GRIN3A: variants seen among roughly 807,000 people sequenced by gnomAD.
GRIN3A encodes glutamate ionotropic receptor NMDA type subunit 3A, also known as glutamate receptor ionotropic, NMDA 3A.
Under a neutral mutation model 92.4 loss-of-function variants are expected in GRIN3A, and 47 were observed. That is an observed-to-expected ratio of 0.51 (90% CI 0.40 to 0.65). GRIN3A has a LOEUF of 0.65. Among genes scored for constraint, GRIN3A ranks in the 30% least tolerant of loss-of-function variants. GRIN3A has a pLI of 0.00. For missense variants in GRIN3A, 1,324 were observed against 1,393.1 expected (o/e 0.95, Z 0.79); for synonymous variants, 527 against 540.6 (o/e 0.97, Z 0.35).
chr9:101,681,150 G>A (rs2118968994), intron 2 of GRIN3A, among the ~76,000 whole-genome samples: 1 of 152,260 alleles, frequency 6.6e-6, no homozygotes, highest in South Asian at 2.1e-4. Flanking sequence ...GGAACAGCAG[G>A]TAAATTCTCA....
rs139560863 is a variant in GRIN3A at position 101,670,952 on chromosome 9, C to A, written c.1460G>T (p.Gly487Val). 1,969 of 1,613,930 alleles carry A rather than the reference C, an allele frequency of 1.2e-3. 1 individual carries two copies. Among genetic ancestry groups the A allele is most frequent in the Non-Finnish European group, 1.5e-3 (1,799 of 1,179,912 alleles). ...MWTRLGSWQG[G>V]KIVMDYGIWP... is the part of the protein sequence containing the mutation. ...TATTCCATAGTCCATGACAATCTTT[C>A]CCCCCTGCCAGCTGCCCAAGCGGGT... is the stretch of plus-strand genomic sequence containing the variant. Residue 487 changes from glycine (G) to valine (V), a missense_variant, in exon 3 of 9, where the codon GGA (glycine) becomes GTA (valine). Gly to Val is a moderately radical substitution (Grantham distance 109). Coordinates refer to ENST00000361820, the MANE Select transcript of GRIN3A (RefSeq NM_133445.3).
chr9:101,737,716 G>A lies in GRIN3A; in HGVS notation c.264C>T (p.Ser88=), dbSNP rs1230130875. The change falls in exon 1 of 9, where the codon TCC becomes TCT. Residue 88 remains serine, a synonymous_variant. Transcript: ENST00000361820. ...AGCGTGCGCCCGGCGAGGGCGCCGG[G>A]GACCGCCTAGTCCCTGGCTCCGGCT... is the stretch of plus-strand genomic sequence containing the variant. ...RDEPEPGTRR[S]PAPSPGARWL... is the part of the protein sequence containing the mutation. The A allele has an allele frequency of 2.1e-5, 32 of 1,529,020 alleles. No homozygotes were observed. The East Asian group carries it at 4.9e-4, about 23-fold the overall frequency. The allele number at this position is 1,529,020 out of a possible 1,614,324, so 94.7% of individuals were successfully genotyped here.
chr9:101,725,949 A>T (rs568567897), intron 1 of GRIN3A, among the ~76,000 whole-genome samples: 3 of 151,954 alleles, frequency 2.0e-5, no homozygotes, highest in Non-Finnish European at 4.4e-5. Context: ...TCTCCATTGC[A>T]CTTGTCTCTG....
intron 6 of GRIN3A, among the ~76,000 whole-genome samples, chr9:101,608,060 T>C (rs1236729122): frequency 2.0e-5 from 3 of 152,246 alleles, no homozygotes; most frequent in African/African-American, 4.8e-5. Context: ...TGTTTAAATG[T>C]ACCCAGGTAA....
intron 5 of GRIN3A, among the ~76,000 whole-genome samples, chr9:101,620,729 A>T (rs1054504625): frequency 5.9e-5 from 9 of 152,134 alleles, no homozygotes; most frequent in African/African-American, 1.2e-4. Flanking sequence ...GGCATATAAA[A>T]CATTCCTGTA....
chr9:101,606,905 CA>C (rs1381164334), intron 6 of GRIN3A, among the ~76,000 whole-genome samples: 3 of 103,674 alleles, frequency 2.9e-5, no homozygotes, highest in Admixed American at 9.9e-5. Flanking sequence ...AAAAAAATTA[CA>C]TTTTTTTTTT....
chr9:101,687,219 A>C lies in GRIN3A; in HGVS notation c.700-19T>G, dbSNP rs768306782. 18 of 1,613,242 alleles carry C rather than the reference A, an allele frequency of 1.1e-5. No individual in the cohort carries two copies. The East Asian group carries it at 2.9e-4, about 26-fold the overall frequency. On this transcript the variant is annotated intron_variant, in intron 1 of 8. Transcript: ENST00000361820. ...GGGGATTCTGTATTTAAAGATATGA[A>C]AAAGAAGAATTAGAAAGCATTGGCC...
chr9:101,648,142 T>C (rs563395029), intron 3 of GRIN3A, among the ~76,000 whole-genome samples: 8 of 152,138 alleles, frequency 5.3e-5, no homozygotes, highest in Non-Finnish European at 8.8e-5. Flanking sequence ...CTGAATCCCA[T>C]AGCTTTTGAT....
intron 2 of GRIN3A, among the ~76,000 whole-genome samples, chr9:101,679,653 T>C (rs1408551347): frequency 6.6e-6 from 1 of 152,088 alleles, no homozygotes; most frequent in Non-Finnish European, 1.5e-5. Flanking sequence ...CCCAAACATG[T>C]CTTTTCTAGA....
chr9:101,657,401 T>G (rs937053782), intron 3 of GRIN3A, among the ~76,000 whole-genome samples: 1 of 152,002 alleles, frequency 6.6e-6, no homozygotes, highest in South Asian at 2.1e-4. Flanking sequence ...GTACTTTGCT[T>G]TATTTAACCC....
chr9:101,616,888 TAAA>T lies in GRIN3A; in HGVS notation c.2615-3364_2615-3362del, dbSNP rs75080539. ...CACATGTACCCTAAAACTTAAAGTA[TAAA>T]AAAAAAAAAAAAAAAAAGGAACAAA... On this transcript the variant is annotated intron_variant, in intron 5 of 8. Transcript: ENST00000361820. Among the ~76,000 whole-genome samples, 773 of 101,370 alleles carry T rather than the reference TAAA, an allele frequency of 7.6e-3. 6 individuals carry two copies. Among genetic ancestry groups the T allele is most frequent in the African/African-American group, 0.026 (616 of 23,426 alleles). The allele number at this position is 101,370 out of a possible 152,430, so 66.5% of individuals were successfully genotyped here. A position where few individuals can be genotyped will look rare whatever the true frequency, so the allele number is the denominator to read the frequency against.
At chr9:101,608,917 A>C (rs1387126061) in intron 6 of GRIN3A, among the ~76,000 whole-genome samples, 2 of 152,226 alleles carry the variant, frequency 1.3e-5, no homozygotes, top group Admixed American at 1.3e-4. Flanking sequence ...CAGACGATTA[A>C]ATCAAAATAC....
At chr9:101,724,457 C>T (rs940210919) in intron 1 of GRIN3A, among the ~76,000 whole-genome samples, 11 of 152,132 alleles carry the variant, frequency 7.2e-5, no homozygotes, top group African/African-American at 2.4e-4. Flanking sequence ...AGCTGACCTG[C>T]GCGCGCAGCC....
At chr9:101,610,991 G>A (rs553033642) in intron 6 of GRIN3A, among the ~76,000 whole-genome samples, 34 of 151,976 alleles carry the variant, frequency 2.2e-4, no homozygotes, top group African/African-American at 6.5e-4. Flanking sequence ...CCAGCTACTC[G>A]GGAGGCTGAG....
intron 1 of GRIN3A, among the ~76,000 whole-genome samples, chr9:101,733,585 T>TG (rs1196073018): frequency 6.6e-6 from 1 of 152,182 alleles, no homozygotes; most frequent in African/African-American, 2.4e-5. Flanking sequence ...CCAACACAGT[T>TG]GAGAGCAGAT....
chr9:101,622,892 C>A (rs555822406), intron 5 of GRIN3A, among the ~76,000 whole-genome samples: 1 of 151,822 alleles, frequency 6.6e-6, no homozygotes, highest in African/African-American at 2.4e-5. Flanking sequence ...TTAGAAAATA[C>A]AGATTTCCCT....
intron 1 of GRIN3A, among the ~76,000 whole-genome samples, chr9:101,727,024 A>G (rs1830088833): frequency 6.6e-6 from 1 of 152,170 alleles, no homozygotes; most frequent in Admixed American, 6.5e-5. Flanking sequence ...CAAGGAAAAC[A>G]ATGACGGTGT....
chr9:101,694,277 A>G (rs752596265), intron 1 of GRIN3A, among the ~76,000 whole-genome samples: 14 of 152,192 alleles, frequency 9.2e-5, no homozygotes, highest in Non-Finnish European at 1.5e-5. Flanking sequence ...ATTATTTTAA[A>G]GTCCATTTTA....
intron 3 of GRIN3A, among the ~76,000 whole-genome samples, chr9:101,643,169 A>G (rs1264537528): frequency 2.6e-5 from 4 of 152,096 alleles, no homozygotes; most frequent in Non-Finnish European, 4.4e-5. Flanking sequence ...TACAAAATAT[A>G]TTAGAAACTC....
Sources: allele counts gnomAD v4.1 joint callset (sites outside exome capture counted in the v4.1 genomes callset), GRCh38; gene constraint gnomAD v4.1.1; transcripts MANE v1.5; gene names NCBI Gene and HGNC (gene_info 2026-07-23, HGNC 2026-07-21).